Variants in GTSE1 observed in about 807,000 individuals in gnomAD.
GTSE1 encodes the protein G2 and S phase-expressed protein 1.
In GTSE1, 52 loss-of-function variants were observed where a neutral mutation model predicts 60.5. The ratio of observed to expected loss-of-function variants is 0.86; its 90% CI spans 0.69 to 1.08. The LOEUF is 1.08. Among genes scored for constraint, GTSE1 ranks in the 50% least tolerant of loss-of-function variants. The pLI is 0.00. For missense variants in GTSE1, 937 were observed against 961.8 expected, an observed-to-expected ratio of 0.97 and a Z score of 0.34; for synonymous variants, 368 against 386.5, an observed-to-expected ratio of 0.95 and a Z score of 0.56.
intron 5 of GTSE1, among the ~76,000 whole-genome samples, chr22:46,312,831 T>G (rs1041810192): frequency 1.3e-5 from 2 of 152,008 alleles, no homozygotes; most frequent in African/African-American, 4.8e-5. Flanking sequence ...GTTTCCCTCA[T>G]GTAGAGTTCT....
rs2077768294 is a variant in GTSE1 at position 46,314,662 on chromosome 22, C to T, written c.1051+649C>T. 6.6e-6 allele frequency among the ~76,000 whole-genome samples: 1 copy of T among 151,898 alleles called. No individual in the cohort carries two copies. Among genetic ancestry groups the T allele is most frequent in the South Asian group, 2.1e-4 (1 of 4,802 alleles). On this transcript the variant is annotated intron_variant, in intron 6 of 11. Transcript: ENST00000454366. This position sits in a 1 kb window ranked among gnomAD's most constrained non-coding sequence, Gnocchi z 7.1. ...AGGCCAAGATGGGTGGATCGCTTGACCCCTGGAGTTTGAGACCAGCCTGGC... is the reference window on the plus strand; with the variant it reads ...AGGCCAAGATGGGTGGATCGCTTGATCCCTGGAGTTTGAGACCAGCCTGGC...
intron 9 of GTSE1, among the ~76,000 whole-genome samples, chr22:46,327,709 T>C (rs979932749): frequency 2.0e-5 from 3 of 152,176 alleles, no homozygotes; most frequent in African/African-American, 7.2e-5. Flanking sequence ...ATATATAATA[T>C]CCGTGTATTT....
In GTSE1 at chr22:46,313,829, C is replaced by T; in HGVS notation, c.928-61C>T. The T allele has an allele frequency of 6.3e-7, 1 of 1,598,788 alleles. No individual in the cohort carries two copies. On this transcript the variant is annotated intron_variant, in intron 5 of 11. Transcript: ENST00000454366. The surrounding 1 kb of genome is among the most constrained non-coding windows in gnomAD (Gnocchi z 4.4). ...GCCAAAAACCCCTTACTTTTGCAGA[C>T]ACAAGTAATAGGTAAATAACGAGAT...
At chr22:46,322,851 C>T (rs1233542645) in intron 7 of GTSE1, among the ~76,000 whole-genome samples, 1 of 152,226 alleles carries the variant, frequency 6.6e-6, no homozygotes, top group African/African-American at 2.4e-5. Flanking sequence ...TGCCGTCTGA[C>T]AAGTCGACTT....
At position 46,314,850 on chromosome 22, in the gene GTSE1, C is replaced by CA. The variant is rs551490317; in HGVS notation, c.1051+854dup. On this transcript the variant is annotated intron_variant, in intron 6 of 11. Transcript: ENST00000454366. This position sits in a 1 kb window ranked among gnomAD's most constrained non-coding sequence, Gnocchi z 7.1. Reference sequence around the variant, plus strand: ...GAGATTGCATCACTGCACTCCGTCTCAAAAAAAAAAAAAAAAATGATAAGT... The same window carrying CA: ...GAGATTGCATCACTGCACTCCGTCTCAAAAAAAAAAAAAAAAAATGATAAGT... 0.077 allele frequency among the ~76,000 whole-genome samples: 7,424 copies of CA among 96,552 alleles called. 627 individuals are homozygous for CA. Among genetic ancestry groups the CA allele is most frequent in the African/African-American group, 0.22 (6,729 of 30,308 alleles). The allele number at this position is 96,552 out of a possible 152,430, so 63.3% of individuals were successfully genotyped here. A position where few individuals can be genotyped will look rare whatever the true frequency, so the allele number is the denominator to read the frequency against.
At position 46,321,474 on chromosome 22, in the gene GTSE1, G is replaced by A. The variant is rs549306472; in HGVS notation, c.1433-1716G>A. Reference sequence around the variant, plus strand: ...AGAGGGTGGGAGCATGTTTGACTCAGCTGTGTGCGAGCTGCGCGCCTCTCC... The same window carrying A: ...AGAGGGTGGGAGCATGTTTGACTCAACTGTGTGCGAGCTGCGCGCCTCTCC... On this transcript the variant is annotated intron_variant, in intron 7 of 11. Coordinates refer to ENST00000454366, the MANE Select transcript of GTSE1 (RefSeq NM_016426.7). The surrounding 1 kb of genome is among the most constrained non-coding windows in gnomAD (Gnocchi z 4.0). 6.6e-6 allele frequency among the ~76,000 whole-genome samples: 1 copy of A among 152,278 alleles called. No homozygotes were observed. The highest frequency in any genetic ancestry group is 1.9e-4 in the East Asian group (1 of 5,164).
rs1037734041 is a variant in GTSE1, at chr22:46,310,929, A to G, written c.763-1212A>G. On this transcript the variant is annotated intron_variant, in intron 4 of 11. Transcript: ENST00000454366. This position sits in a 1 kb window ranked among gnomAD's most constrained non-coding sequence, Gnocchi z 4.4. ...GCTCAGTGAGAGAGGCCATAACAAA[A>G]GGTCCCATGTCGTATGGTTCCATTT... Among the ~76,000 whole-genome samples the G allele has an allele frequency of 8.5e-5, 13 of 152,162 alleles. No individual in the cohort carries two copies. The highest frequency in any genetic ancestry group is 3.1e-4 in the African/African-American group (13 of 41,440).
chr22:46,309,056 A>G lies in GTSE1; in HGVS notation c.762+113A>G. Reference sequence around the variant, plus strand: ...GAGGTGGCGAGTCTCTGAGGCCTACAAAACACAGGAATGCGGAGTCCAGGA... The same window carrying G: ...GAGGTGGCGAGTCTCTGAGGCCTACGAAACACAGGAATGCGGAGTCCAGGA... On this transcript the variant is annotated intron_variant, in intron 4 of 11. Coordinates refer to ENST00000454366, the MANE Select transcript of GTSE1 (RefSeq NM_016426.7). This position sits in a 1 kb window ranked among gnomAD's most constrained non-coding sequence, Gnocchi z 6.2. 1 of 1,177,660 alleles carries G rather than the reference A, an allele frequency of 8.5e-7. No individual in the cohort carries two copies. Among genetic ancestry groups the G allele is most frequent in the Non-Finnish European group, 1.2e-6 (1 of 846,060 alleles). The allele number at this position is 1,177,660 out of a possible 1,614,324, so 73.0% of individuals were successfully genotyped here. A position where few individuals can be genotyped will look rare whatever the true frequency, so the allele number is the denominator to read the frequency against.
intron 8 of GTSE1, among the ~76,000 whole-genome samples, 186 bp from the exon 9 acceptor site, chr22:46,326,250 G>A (rs1284576092): frequency 1.3e-5 from 2 of 152,258 alleles, no homozygotes; most frequent in African/African-American, 4.8e-5. Flanking sequence ...GGATGGGTTG[G>A]TAGCAGCTCG....
rs2077868014 is a variant in GTSE1 at position 46,330,115 on chromosome 22, A to G, written c.2205A>G (p.Pro735=). The change falls in exon 12 of 12, where the codon CCA becomes CCG. Residue 735 remains proline (P), a synonymous_variant. Transcript: ENST00000454366. The surrounding 1 kb of genome is among the most constrained non-coding windows in gnomAD (Gnocchi z 6.0). The stretch of plus-strand genomic sequence containing the variant: ...CTGACAAGGAGAACGTGGATTCCCC[A>G]CTCCTCAAGTTCTAAGCCGAACCAA... ...PEADKENVDS[P]LLKF is the part of the protein sequence containing the mutation. 6.2e-7 allele frequency: 1 copy of G among 1,602,230 alleles called. No homozygotes were observed.
At chr22:46,325,306 C>G (rs1159634865) in intron 8 of GTSE1, among the ~76,000 whole-genome samples, 4 of 152,158 alleles carry the variant, frequency 2.6e-5, no homozygotes, top group African/African-American at 9.7e-5. Context: ...AAGCAATTCT[C>G]CTGCCTCAGC....
rs1288210045 is a variant in GTSE1, at chr22:46,313,215, C to A, written c.928-675C>A. 6.6e-6 allele frequency among the ~76,000 whole-genome samples: 1 copy of A among 150,626 alleles called. No individual in the cohort carries two copies. The highest frequency in any genetic ancestry group is 1.5e-5 in the Non-Finnish European group (1 of 67,680). Reference sequence around the variant, plus strand: ...AAAGAAAGAAAATTGCGGTTCCTCACAGGCATGGAGACTACCAGCCACATC... The same window carrying A: ...AAAGAAAGAAAATTGCGGTTCCTCAAAGGCATGGAGACTACCAGCCACATC... On this transcript the variant is annotated intron_variant, in intron 5 of 11. Coordinates refer to ENST00000454366, the MANE Select transcript of GTSE1 (RefSeq NM_016426.7). The surrounding 1 kb of genome is among the most constrained non-coding windows in gnomAD (Gnocchi z 4.4).
rs377216208 is a variant in GTSE1, at chr22:46,326,673, A to G, written c.1724+19A>G. The G allele has an allele frequency of 3.9e-6, 6 of 1,548,942 alleles. No homozygotes were observed. In the African/African-American group the frequency reaches 5.5e-5, roughly 14 times the overall value. On this transcript the variant is annotated intron_variant, in intron 9 of 11. Transcript: ENST00000454366. ...CAATGAGGTAAGACACGAAGGTGGT[A>G]ATAAATTGGTCTCAAATTCCTAGGC...
At chr22:46,301,870 T>G (rs1427449854) in intron 2 of GTSE1, among the ~76,000 whole-genome samples, 1 of 152,216 alleles carries the variant, frequency 6.6e-6, no homozygotes. Flanking sequence ...GGCTTGCGCC[T>G]GTCATCCCAA....
intron 9 of GTSE1, among the ~76,000 whole-genome samples, chr22:46,327,806 A>C (rs556533044): frequency 5.3e-4 from 81 of 152,366 alleles, no homozygotes; most frequent in Non-Finnish European, 1.1e-3. Flanking sequence ...GTGTGTATCT[A>C]TGTAGTTCTA....
intron 2 of GTSE1, among the ~76,000 whole-genome samples, chr22:46,305,730 A>T (rs1480753664): frequency 1.3e-5 from 2 of 151,734 alleles, no homozygotes; most frequent in Non-Finnish European, 2.9e-5. Context: ...AACATGGTGA[A>T]ACCGCATCTC....
Position 46,330,016 on chromosome 22 carries a change from C to A in GTSE1, c.2137-31C>A, listed in dbSNP as rs200088289. On this transcript the variant is annotated intron_variant, in intron 11 of 11. Coordinates refer to ENST00000454366, the MANE Select transcript of GTSE1 (RefSeq NM_016426.7). This position sits in a 1 kb window ranked among gnomAD's most constrained non-coding sequence, Gnocchi z 6.0. ...GGAAGGGAGGCCCTAGCCGGATCCA[C>A]GCTCACCTCCTCCACTCTGCTCTCT... 7.2e-7 allele frequency: 1 copy of A among 1,398,190 alleles called. No homozygotes were observed. Among genetic ancestry groups the A allele is most frequent in the Admixed American group, 1.7e-5 (1 of 59,788 alleles). The allele number at this position is 1,398,190 out of a possible 1,614,324, so 86.6% of individuals were successfully genotyped here. A position where few individuals can be genotyped will look rare whatever the true frequency, so the allele number is the denominator to read the frequency against.
intron 2 of GTSE1, among the ~76,000 whole-genome samples, chr22:46,305,098 GT>G (rs2077708771): frequency 6.6e-6 from 1 of 152,028 alleles, no homozygotes; most frequent in South Asian, 2.1e-4. Flanking sequence ...AAGTTGGAAA[GT>G]TTTTTTTCTT....
chr22:46,305,590 C>CA (rs2077711090), intron 2 of GTSE1, among the ~76,000 whole-genome samples: 1 of 149,062 alleles, frequency 6.7e-6, no homozygotes, highest in Non-Finnish European at 1.5e-5. Flanking sequence ...GCCTGAGTGA[C>CA]AGAGTGAGAC....
Sources: allele counts gnomAD v4.1 joint callset (sites outside exome capture counted in the v4.1 genomes callset), GRCh38; gene constraint gnomAD v4.1.1; non-coding constraint Gnocchi (gnomAD v3.1); transcripts MANE v1.5; gene names NCBI Gene and HGNC (gene_info 2026-07-23, HGNC 2026-07-21).